CHD9: variants seen among roughly 807,000 people sequenced by gnomAD.
CHD9 encodes chromodomain helicase DNA binding protein 9.
CHD9 carries 77 observed loss-of-function variants against 316.1 expected under a neutral mutation model. The ratio of observed to expected loss-of-function variants is 0.24; its 90% confidence interval spans 0.20 to 0.29. The LOEUF (loss-of-function observed/expected upper bound fraction) is 0.29. Ranked by LOEUF, CHD9 falls within the 10% of genes least tolerant of loss-of-function variation. The pLI is 1.00. For missense variants in CHD9, 2,763 were observed against 3,438.1 expected (o/e 0.80, Z 4.91); for synonymous variants, 1,129 against 1,158.3 (o/e 0.97, Z 0.51).
chr16:53,237,542 A>G (rs981301692), intron 11 of CHD9, among the ~76,000 whole-genome samples: 2 of 152,050 alleles, frequency 1.3e-5, no homozygotes, highest in Admixed American at 6.6e-5. Flanking sequence ...CCTCCAAACC[A>G]TAGAACAACT....
chr16:53,110,757 C>T (rs2037802503), intron 1 of CHD9, among the ~76,000 whole-genome samples: 1 of 152,060 alleles, frequency 6.6e-6, no homozygotes, highest in African/African-American at 2.4e-5. Context: ...GAGACTCCAT[C>T]TCAAAAAATA....
intron 4 of CHD9, among the ~76,000 whole-genome samples, chr16:53,225,153 C>CA (rs1478093898): frequency 2.0e-5 from 3 of 152,076 alleles, no homozygotes; most frequent in African/African-American, 7.2e-5. Flanking sequence ...AGCAGTGACT[C>CA]AGCCATTTTT....
chr16:53,078,288 A>G (rs1355122401), intron 1 of CHD9, among the ~76,000 whole-genome samples: 2 of 152,164 alleles, frequency 1.3e-5, no homozygotes, highest in Non-Finnish European at 2.9e-5. Context: ...TGATTAGGTC[A>G]TAAGAGTAGA....
chr16:53,130,529 CGTGGCGGCCG>C (rs2039184464), intron 1 of CHD9, among the ~76,000 whole-genome samples: 1 of 149,472 alleles, frequency 6.7e-6, no homozygotes, highest in African/African-American at 2.4e-5. Context: ...CGCGGCCTGA[CGTGGCGGCCG>C]CGGCGGGGCT....
intron 3 of CHD9, among the ~76,000 whole-genome samples, chr16:53,215,529 G>A (rs1249735325): frequency 6.6e-6 from 1 of 152,184 alleles, no homozygotes; most frequent in Non-Finnish European, 1.5e-5. Flanking sequence ...CACTGAGCGT[G>A]TGTATGTGTG....
chr16:53,229,128 T>C (rs753459426), intron 8 of CHD9, 28 bp downstream of exon 8: 8 of 1,189,768 alleles, frequency 6.7e-6, no homozygotes, highest in Non-Finnish European at 8.4e-6. Context: ...AAGACTATTA[T>C]GTGTTGGTCT....
intron 29 of CHD9, among the ~76,000 whole-genome samples, chr16:53,296,039 T>A (rs1193853510): frequency 6.6e-6 from 1 of 152,144 alleles, no homozygotes; most frequent in Non-Finnish European, 1.5e-5. Context: ...TCCCCTCCAA[T>A]ATGGACCACT....
In CHD9 at chr16:53,222,730, A is replaced by G; in HGVS notation, c.1871A>G (p.His624Arg). The G allele has an allele frequency of 6.4e-7, 1 of 1,557,000 alleles. No individual in the cohort carries two copies. Among genetic ancestry groups the G allele is most frequent in the Non-Finnish European group, 8.8e-7 (1 of 1,141,888 alleles). ...EISDAEQMPQ[H>R]TLKDQDSQKR... is the part of the protein sequence containing the mutation. The stretch of plus-strand genomic sequence containing the variant: ...TCTGATGCAGAACAGATGCCACAGC[A>G]TACATTAAAAGATCAAGACTCTCAA... The change falls in exon 4 of 39, where the codon CAT (histidine) becomes CGT (arginine). Residue 624 changes from histidine to arginine, a missense_variant. By Grantham distance (29) the His-to-Arg change is conservative. Coordinates refer to ENST00000447540, the MANE Select transcript of CHD9 (RefSeq NM_001308319.2).
chr16:53,325,737 G>C lies in CHD9; in HGVS notation c.*842G>C, dbSNP rs1385410582. On this transcript the variant is annotated 3_prime_UTR_variant, in exon 39 of 39. Transcript: ENST00000447540. ...TATTAGAAATAATCATGTCTCAGAT[G>C]AGTAATGTCTGTTTCCAGGGTTCAG... The C allele has an allele frequency of 1.3e-5, 2 of 152,154 alleles. No individual in the cohort carries two copies. Among genetic ancestry groups the C allele is most frequent in the Non-Finnish European group, 2.9e-5 (2 of 67,980 alleles). 9.4% of individuals were successfully genotyped at this position (152,154 alleles called of 1,614,324 possible).
intron 18 of CHD9, among the ~76,000 whole-genome samples, chr16:53,255,073 C>T (rs924637495): frequency 1.5e-4 from 23 of 151,844 alleles, no homozygotes; most frequent in African/African-American, 5.1e-4. Context: ...CACTTTGGGA[C>T]GCTGAGGTAG....
chr16:53,324,527 A>T lies in CHD9; in HGVS notation c.8326A>T (p.Thr2776Ser), dbSNP rs3743771. The change falls in exon 39 of 39, where the codon ACA becomes TCA. Residue 2776 changes from threonine to serine, a missense_variant. Around this residue, in one of 15 missense-constraint regions of CHD9, gnomAD observed 298 missense variants for 380.2 expected, o/e 0.78. Transcript: ENST00000447540. ...GENSVSSSPS[T>S]SSTAALNTAA... The stretch of plus-strand genomic sequence containing the variant: ...AAACTCTGTGTCAAGTTCTCCTTCC[A>T]CATCCTCTACTGCTGCATTAAATAC... The T allele has an allele frequency of 6.2e-6, 10 of 1,613,426 alleles. No homozygotes were observed. The South Asian group carries it at 1.1e-4, about 18-fold the overall frequency.
chr16:53,313,375 G>A (rs567279593), intron 34 of CHD9, among the ~76,000 whole-genome samples: 5 of 152,028 alleles, frequency 3.3e-5, no homozygotes, highest in South Asian at 4.2e-4. Context: ...GCATGATCTC[G>A]GCTCACAGCA....
intron 1 of CHD9, among the ~76,000 whole-genome samples, chr16:53,067,087 C>T (rs2033597278): frequency 6.6e-6 from 1 of 152,158 alleles, no homozygotes; most frequent in Non-Finnish European, 1.5e-5. Context: ...GGACTACAGG[C>T]GCACACCACT....
chr16:53,136,719 T>C (rs1459703435), intron 1 of CHD9, among the ~76,000 whole-genome samples: 3 of 152,194 alleles, frequency 2.0e-5, no homozygotes, highest in Non-Finnish European at 4.4e-5. Context: ...CACTACATAT[T>C]CCAATATATG....
chr16:53,289,526 G>A (rs983940545), intron 27 of CHD9, among the ~76,000 whole-genome samples: 1 of 152,216 alleles, frequency 6.6e-6, no homozygotes, highest in African/African-American at 2.4e-5. Context: ...GAAAACAGAT[G>A]TGAGGAAATT....
intron 29 of CHD9, among the ~76,000 whole-genome samples, chr16:53,296,710 G>A (rs562789274): frequency 2.2e-4 from 33 of 152,072 alleles, no homozygotes; most frequent in Non-Finnish European, 4.1e-4. Context: ...CTCCCAAAGT[G>A]CTGGGATTAC....
chr16:53,148,073 G>C (rs967345296), intron 1 of CHD9, among the ~76,000 whole-genome samples: 2 of 152,024 alleles, frequency 1.3e-5, no homozygotes, highest in South Asian at 4.2e-4. Flanking sequence ...CGGGCATGGT[G>C]GTGGGCGCCT....
chr16:53,086,958 C>G (rs900110095), intron 1 of CHD9, among the ~76,000 whole-genome samples: 1 of 152,116 alleles, frequency 6.6e-6, no homozygotes, highest in Admixed American at 6.6e-5. Flanking sequence ...CTTTCTGCAC[C>G]CCTTTTCCCT....
chr16:53,175,612 T>G (rs1407195191), intron 2 of CHD9, among the ~76,000 whole-genome samples: 1 of 152,230 alleles, frequency 6.6e-6, no homozygotes, highest in East Asian at 1.9e-4. Context: ...TTATTCTTCT[T>G]TGACAGTATG....
Sources: allele counts gnomAD v4.1 joint callset (sites outside exome capture counted in the v4.1 genomes callset), GRCh38; gene constraint gnomAD v4.1.1; regional missense constraint gnomAD v4.1.1; transcripts MANE v1.5; gene names NCBI Gene and HGNC (gene_info 2026-07-23, HGNC 2026-07-21).